The following ERC2 variants were observed in gnomAD, a reference collection of about 807,000 sequenced individuals.
ERC2 encodes ELKS/RAB6-interacting/CAST family member 2.
A neutral mutation model predicts 114.8 loss-of-function variants in ERC2; 42 were observed. That is an observed-to-expected ratio of 0.37 (90% CI 0.29 to 0.47). The LOEUF (loss-of-function observed/expected upper bound fraction) is 0.47, where lower values mean the gene tolerates loss of function less well. ERC2 is among the 20% of genes least tolerant of loss of function. The pLI is 0.99. For missense variants in ERC2, 939 were observed against 1,150.7 expected (o/e 0.82, Z 2.66); for synonymous variants, 454 against 425.5 (o/e 1.07, Z -0.82).
At chr3:56,207,176 T>A (rs1431448021) in intron 3 of ERC2, among the ~76,000 whole-genome samples, 2 of 151,566 alleles carry the variant, frequency 1.3e-5, no homozygotes, top group African/African-American at 4.8e-5. Context: ...CTCTAATATG[T>A]TTGCTGTGGG....
At chr3:55,547,260 C>G (rs2054821817) in intron 17 of ERC2, among the ~76,000 whole-genome samples, 1 of 152,244 alleles carries the variant, frequency 6.6e-6, no homozygotes, top group East Asian at 1.9e-4. Flanking sequence ...AGGAAGCACC[C>G]CTGGCTCCTT....
chr3:55,810,303 C>T (rs1296803299), intron 14 of ERC2, among the ~76,000 whole-genome samples: 1 of 151,800 alleles, frequency 6.6e-6, no homozygotes, highest in East Asian at 1.9e-4. Flanking sequence ...TGGTAAATAT[C>T]CCTCCAAATA....
intron 13 of ERC2, among the ~76,000 whole-genome samples, chr3:55,909,086 C>T (rs2064643460): frequency 6.6e-6 from 1 of 152,190 alleles, no homozygotes; most frequent in Non-Finnish European, 1.5e-5. Flanking sequence ...AATAGGTCTA[C>T]AGCCAAAAAG....
intron 13 of ERC2, among the ~76,000 whole-genome samples, chr3:55,924,163 A>G (rs2149389072): frequency 6.6e-6 from 1 of 152,260 alleles, no homozygotes; most frequent in South Asian, 2.1e-4. Context: ...TAGAGATTCT[A>G]GTACATATAA....
intron 10 of ERC2, among the ~76,000 whole-genome samples, chr3:55,994,183 T>A (rs1422892195): frequency 2.4e-5 from 2 of 84,532 alleles, no homozygotes; most frequent in Non-Finnish European, 4.9e-5. Flanking sequence ...ACAAGGCTAT[T>A]AAGATTTTTA....
intron 14 of ERC2, among the ~76,000 whole-genome samples, chr3:55,847,809 T>A (rs932938925): frequency 2.6e-4 from 39 of 152,274 alleles, no homozygotes; most frequent in African/African-American, 8.9e-4. Context: ...CTACTATTAT[T>A]ATTATTTTTG....
At chr3:56,286,414 C>CAAAAAAA (rs778645110) in intron 3 of ERC2, among the ~76,000 whole-genome samples, 2 of 30,270 alleles carry the variant, frequency 6.6e-5, no homozygotes, top group African/African-American at 2.8e-4. Flanking sequence ...AACTCCATCT[C>CAAAAAAA]AAAAAAAAAA....
At chr3:55,810,464 TC>T (rs2059671834) in intron 14 of ERC2, among the ~76,000 whole-genome samples, 1 of 143,650 alleles carries the variant, frequency 7.0e-6, no homozygotes, top group Non-Finnish European at 1.5e-5. Context: ...TCTCTCTCCC[TC>T]TTTTTTTTTT....
At chr3:56,421,354 C>T (rs1401859957) in intron 2 of ERC2, among the ~76,000 whole-genome samples, 3 of 152,214 alleles carry the variant, frequency 2.0e-5, no homozygotes, top group South Asian at 2.1e-4. Context: ...CCACACACTC[C>T]CTTGCTAGAG....
chr3:56,278,474 G>T (rs778317010), intron 3 of ERC2, among the ~76,000 whole-genome samples: 1 of 152,176 alleles, frequency 6.6e-6, no homozygotes, highest in African/African-American at 2.4e-5. Flanking sequence ...ACAACTAAAT[G>T]TAACATAGGA....
chr3:55,728,720 C>T (rs1323618227), intron 15 of ERC2, among the ~76,000 whole-genome samples: 1 of 152,154 alleles, frequency 6.6e-6, no homozygotes, highest in Non-Finnish European at 1.5e-5. Flanking sequence ...CACAGGCAAC[C>T]CCCAGTGCAG....
intron 2 of ERC2, among the ~76,000 whole-genome samples, chr3:56,324,675 T>G (rs1349264900): frequency 3.9e-5 from 6 of 152,088 alleles, no homozygotes; most frequent in Non-Finnish European, 8.8e-5. Context: ...TGACAAACCA[T>G]GAGTTCATGC....
intron 13 of ERC2, among the ~76,000 whole-genome samples, chr3:55,919,089 A>G (rs956272125): frequency 6.6e-6 from 1 of 152,194 alleles, no homozygotes; most frequent in Non-Finnish European, 1.5e-5. Context: ...TATTTAAAGT[A>G]TGATGTAGGT....
chr3:55,632,433 T>A (rs538819984), intron 17 of ERC2, among the ~76,000 whole-genome samples: 23 of 152,310 alleles, frequency 1.5e-4, no homozygotes, highest in Admixed American at 9.2e-4. Flanking sequence ...AATTCACTGC[T>A]GGAAGGCTGT....
At chr3:55,641,161 C>G (rs1045201356) in intron 17 of ERC2, among the ~76,000 whole-genome samples, 2 of 152,072 alleles carry the variant, frequency 1.3e-5, no homozygotes, top group Non-Finnish European at 2.9e-5. Context: ...AAAACAAAGC[C>G]AAAAGATGGT....
At chr3:56,407,953 A>T (rs967203455) in intron 2 of ERC2, among the ~76,000 whole-genome samples, 1 of 152,144 alleles carries the variant, frequency 6.6e-6, no homozygotes, top group Non-Finnish European at 1.5e-5. Context: ...TGTCACCTCC[A>T]CAGGGAAGCC....
chr3:56,032,603 A>C (rs2074435822), intron 7 of ERC2, among the ~76,000 whole-genome samples: 1 of 152,110 alleles, frequency 6.6e-6, no homozygotes, highest in African/African-American at 2.4e-5. Flanking sequence ...AAATTCTCAA[A>C]AGTCAAAAAC....
At chr3:56,227,440 AT>A (rs1313653651) in intron 3 of ERC2, among the ~76,000 whole-genome samples, 2 of 145,420 alleles carry the variant, frequency 1.4e-5, no homozygotes, top group Non-Finnish European at 3.1e-5. Flanking sequence ...AAAAAAAAAA[AT>A]CCCTTTAGCA....
intron 2 of ERC2, among the ~76,000 whole-genome samples, chr3:56,406,607 C>G (rs1174465003): frequency 6.6e-6 from 1 of 152,136 alleles, no homozygotes; most frequent in Admixed American, 6.5e-5. Context: ...GAACAAGGGC[C>G]CTGTATTTTC....
Sources: allele counts gnomAD v4.1 joint callset (sites outside exome capture counted in the v4.1 genomes callset), GRCh38; gene constraint gnomAD v4.1.1; transcripts MANE v1.5; gene names NCBI Gene and HGNC (gene_info 2026-07-23, HGNC 2026-07-21).